The following NAV1 variants were observed in gnomAD, a reference collection of about 807,000 sequenced individuals.
The protein encoded by NAV1 is neuron navigator 1.
In NAV1, 18 loss-of-function variants were observed where a neutral mutation model predicts 175.2. That is an observed-to-expected ratio of 0.10 (90% CI 0.07 to 0.15). The LOEUF (loss-of-function observed/expected upper bound fraction) is 0.15, where lower values mean the gene tolerates loss of function less well. Among genes scored for constraint, NAV1 ranks in the 10% least tolerant of loss-of-function variants. NAV1 has a pLI of 1.00. For synonymous variants in NAV1, 897 were observed against 978.7 expected (o/e 0.92, Z 1.56); for missense variants, 1,731 against 2,436.6 (o/e 0.71, Z 6.10).
chr1:201,592,863 C>T (rs1383004288), intron 2 of NAV1, among the ~76,000 whole-genome samples: 3 of 152,086 alleles, frequency 2.0e-5, no homozygotes, highest in African/African-American at 7.2e-5. Context: ...AGACCAGGAG[C>T]GAGTCCAGGG....
intron 1 of NAV1, among the ~76,000 whole-genome samples, chr1:201,678,892 G>C (rs563760461): frequency 5.3e-4 from 80 of 152,284 alleles, no homozygotes; most frequent in South Asian, 2.9e-3. Context: ...GGCATCCAGT[G>C]GGGTGGAGAG....
In NAV1 at chr1:201,695,000, C is replaced by T. The variant is rs1232307963; in HGVS notation, c.758-17817C>T. Reference sequence around the variant, plus strand: ...TAGAGGGACAGTAGAGATCGTCTGCCAAAAGGGTTCATATATCCAAAAGGC... The same window carrying T: ...TAGAGGGACAGTAGAGATCGTCTGCTAAAAGGGTTCATATATCCAAAAGGC... On this transcript the variant is annotated intron_variant, in intron 1 of 29. Transcript: ENST00000367296. The surrounding 1 kb of genome is among the most constrained non-coding windows in gnomAD (Gnocchi z 4.2). 1.3e-5 allele frequency among the ~76,000 whole-genome samples: 2 copies of T among 152,222 alleles called. No individual in the cohort carries two copies. The highest frequency in any genetic ancestry group is 2.9e-5 in the Non-Finnish European group (2 of 68,042).
In NAV1 at chr1:201,718,751, A is replaced by G. The variant is rs1672243039; in HGVS notation, c.1222A>G (p.Thr408Ala). The G allele has an allele frequency of 1.0e-5, 16 of 1,606,066 alleles. No homozygotes were observed. Among genetic ancestry groups the G allele is most frequent in the Non-Finnish European group, 1.4e-5 (16 of 1,173,856 alleles). Residue 408 changes from threonine (T) to alanine (A), a missense_variant, in exon 3 of 30, where the codon ACC becomes GCC. Physicochemically the swap from Thr to Ala is moderately conservative, Grantham distance 58. Transcript: ENST00000367296. This position sits in a 1 kb window ranked among gnomAD's most constrained non-coding sequence, Gnocchi z 4.8. ...CATGACGGAGGATGATGACATCACT[A>G]CCGGGTAAGCGCAGGGGCTTCTTGG... is the stretch of plus-strand genomic sequence containing the variant.
chr1:201,658,344 T>C (rs1461809617), intron 1 of NAV1, among the ~76,000 whole-genome samples: 3 of 150,732 alleles, frequency 2.0e-5, no homozygotes, highest in Non-Finnish European at 4.4e-5. Flanking sequence ...AACTGAGGGC[T>C]CGGCCAGCTG....
intron 7 of NAV1, 134 bp downstream of exon 11, chr1:201,783,986 T>C: frequency 1.3e-6 from 1 of 765,552 alleles, no homozygotes; most frequent in Non-Finnish European, 2.0e-6. Context: ...AGTAATTTAA[T>C]TTGCTTCACA....
At position 201,689,882 on chromosome 1, in the gene NAV1, G is replaced by A. The variant is rs141905959; in HGVS notation, c.758-22935G>A. On this transcript the variant is annotated intron_variant, in intron 1 of 29. Coordinates refer to ENST00000367296, the Ensembl canonical transcript of NAV1. ...AGTGTGTCTATTTCCTCCATGGCCT[G>A]TCTGTGGCAGAGTGCTGGCTATTTC... Among the ~76,000 whole-genome samples, 583 of 152,312 alleles carry A rather than the reference G, an allele frequency of 3.8e-3. 2 individuals carry two copies. Among genetic ancestry groups the A allele is most frequent in the African/African-American group, 0.013 (543 of 41,562 alleles).
At chr1:201,746,175 T>C (rs1673758605) in intron 3 of NAV1, among the ~76,000 whole-genome samples, 1 of 152,158 alleles carries the variant, frequency 6.6e-6, no homozygotes. Context: ...TTACTCATCA[T>C]ATGGTGATAG....
At chr1:201,755,770 T>A (rs1258039264) in intron 3 of NAV1, among the ~76,000 whole-genome samples, 6 of 152,104 alleles carry the variant, frequency 3.9e-5, no homozygotes, top group Non-Finnish European at 5.9e-5. Flanking sequence ...CTCCTCCTTA[T>A]GCCTGGCGTG....
At chr1:201,624,025 A>G (rs1464474319) in intron 1 of NAV1, among the ~76,000 whole-genome samples, 1 of 152,222 alleles carries the variant, frequency 6.6e-6, no homozygotes, top group East Asian at 1.9e-4. Context: ...GACCAACTCT[A>G]TTGGCTTGGG....
At chr1:201,784,235 G>A (rs187895519) in intron 7 of NAV1, among the ~76,000 whole-genome samples, 2 of 152,074 alleles carry the variant, frequency 1.3e-5, no homozygotes, top group East Asian at 3.9e-4. Flanking sequence ...TTGGCTCACT[G>A]CAATCTCTGC....
intron 1 of NAV1, among the ~76,000 whole-genome samples, chr1:201,556,749 C>A (rs980075199): frequency 6.6e-6 from 1 of 152,222 alleles, no homozygotes; most frequent in African/African-American, 2.4e-5. Flanking sequence ...GGCTTGCCAC[C>A]AGTCCTTGGG....
Position 201,785,361 on chromosome 1 carries a change from TA to T in NAV1, c.2846+12del. ...CCAAGAAAGGGCTCAGGTAACCCTT[TA>T]ATGTGTTTTTTCTTCCCTATAAATG... On this transcript the variant is annotated intron_variant, in intron 8 of 29. Coordinates refer to ENST00000367296, the Ensembl canonical transcript of NAV1. The T allele has an allele frequency of 6.2e-7, 1 of 1,612,936 alleles. No homozygotes were observed. The highest frequency in any genetic ancestry group is 8.5e-7 in the Non-Finnish European group (1 of 1,179,582).
intron 2 of NAV1, among the ~76,000 whole-genome samples, chr1:201,614,123 G>A (rs1667933123): frequency 6.6e-6 from 1 of 152,116 alleles, no homozygotes; most frequent in Admixed American, 6.5e-5. Flanking sequence ...ACTCTGTGCT[G>A]TGCAGTGTCC....
chr1:201,756,822 TTCTTTCTTTCTTTC>T (rs1324278513), intron 3 of NAV1, among the ~76,000 whole-genome samples: 3 of 24,794 alleles, frequency 1.2e-4, no homozygotes, highest in Non-Finnish European at 3.5e-4. Flanking sequence ...CTTTCTTTCT[TTCTTTCTTTCTTTC>T]TTTCTTTCTT....
intron 3 of NAV1, among the ~76,000 whole-genome samples, chr1:201,775,950 G>A (rs916217498): frequency 3.3e-5 from 5 of 151,928 alleles, no homozygotes; most frequent in East Asian, 1.9e-4. Flanking sequence ...CCAGCTACTC[G>A]GGAAACTGAA....
At chr1:201,700,789 A>G (rs144021384) in intron 1 of NAV1, among the ~76,000 whole-genome samples, 1 of 152,084 alleles carries the variant, frequency 6.6e-6, no homozygotes, top group African/African-American at 2.4e-5. Context: ...AGGCGGGTGG[A>G]TCACGAGGTC....
intron 1 of NAV1, among the ~76,000 whole-genome samples, chr1:201,673,626 G>C (rs1281453400): frequency 6.6e-6 from 1 of 152,194 alleles, no homozygotes; most frequent in Non-Finnish European, 1.5e-5. Flanking sequence ...CCTGCCCTCA[G>C]AGAGCCCCCA....
chr1:201,665,286 C>T (rs541616842), intron 1 of NAV1, among the ~76,000 whole-genome samples: 8 of 152,112 alleles, frequency 5.3e-5, no homozygotes, highest in African/African-American at 1.9e-4. Flanking sequence ...TTCTCTGCTT[C>T]TGGCCTCTTT....
chr1:201,604,926 T>C (rs1667633496), intron 2 of NAV1, among the ~76,000 whole-genome samples: 2 of 152,212 alleles, frequency 1.3e-5, no homozygotes, highest in African/African-American at 2.4e-5. Flanking sequence ...CTGTATGTAG[T>C]ATTTTCTTGC....
Sources: gnomAD v4.1 joint callset for allele counts (sites outside exome capture counted in the v4.1 genomes callset) on GRCh38, gnomAD v4.1.1 for gene constraint, Gnocchi (gnomAD v3.1) non-coding constraint, MANE v1.5 for transcripts, NCBI Gene and HGNC (gene_info 2026-07-23, HGNC 2026-07-21) for gene names.